The following DCC variants were observed in gnomAD, a reference collection of about 807,000 sequenced individuals.
DCC encodes the protein netrin receptor DCC.
Under a neutral mutation model 172.5 loss-of-function variants are expected in DCC, and 58 were observed. The ratio of observed to expected loss-of-function variants is 0.34; its 90% CI spans 0.27 to 0.42. The LOEUF (loss-of-function observed/expected upper bound fraction) is 0.42, where lower values mean the gene tolerates loss of function less well. Among genes scored for constraint, DCC ranks in the 10% least tolerant of loss-of-function variants. DCC has a pLI of 1.00. For synonymous variants in DCC, 709 were observed against 644.5 expected (o/e 1.10, Z -1.52); for missense variants, 1,740 against 1,791.0 (o/e 0.97, Z 0.51).
intron 1 of DCC, among the ~76,000 whole-genome samples, chr18:52,466,201 T>C (rs889631773): frequency 1.3e-5 from 2 of 152,112 alleles, no homozygotes; most frequent in African/African-American, 4.8e-5. Context: ...TTTATAGACG[T>C]TTTGTCTGGT....
chr18:53,374,772 C>A (rs534018007), intron 15 of DCC, among the ~76,000 whole-genome samples: 4 of 152,062 alleles, frequency 2.6e-5, no homozygotes, highest in Non-Finnish European at 4.4e-5. Context: ...AAAAGATAGT[C>A]ACCATGACAT....
chr18:53,502,868 G>T (rs1284814540), intron 27 of DCC, among the ~76,000 whole-genome samples: 2 of 151,704 alleles, frequency 1.3e-5, no homozygotes, highest in Non-Finnish European at 2.9e-5. Flanking sequence ...TTTTATTTTA[G>T]GTTCTGGGGT....
chr18:53,530,319 T>G (rs1035126789), intron 28 of DCC: 7 of 702,764 alleles, frequency 1.0e-5, no homozygotes, highest in Middle Eastern at 4.6e-4. Context: ...CCAATCTTTT[T>G]GACTCTGAAA....
At chr18:52,610,171 AAAAAAAAATATATATATATAT>A (rs1379710491) in intron 1 of DCC, among the ~76,000 whole-genome samples, 447 of 24,870 alleles carry the variant, frequency 0.018, 37 homozygotes, top group African/African-American at 0.07. Flanking sequence ...AAAAAAAAAA[AAAAAAAAATATATATATATAT>A]ATATATATAT....
Position 53,486,938 on chromosome 18 carries a change from T to G in DCC, c.3878T>G (p.Phe1293Cys), listed in dbSNP as rs1331117481. Reference sequence around the variant, plus strand: ...CCAACACTCTCAGTGGACCGAGGTTTCGGAGCAGGAAGAAGTCAGTGTAAT... The same window carrying G: ...CCAACACTCTCAGTGGACCGAGGTTGCGGAGCAGGAAGAAGTCAGTGTAAT... Reference protein sequence around the residue: ...PFPTLSVDRGFGAGRSQSVSE... With the variant: ...PFPTLSVDRGCGAGRSQSVSE... The change falls in exon 26 of 29, where the codon TTC (phenylalanine) becomes TGC (cysteine). Residue 1293 changes from phenylalanine to cysteine, a missense_variant. By Grantham distance (205) the Phe-to-Cys change is radical. This residue lies in a region of DCC where 1,732 missense variants were observed against 1,767.4 expected (regional missense o/e 0.98). Coordinates refer to ENST00000442544, the MANE Select transcript of DCC (RefSeq NM_005215.4). The G allele has an allele frequency of 2.0e-5, 32 of 1,614,206 alleles. No homozygotes were observed. The East Asian group carries it at 7.1e-4, about 36-fold the overall frequency.
chr18:53,416,214 T>C (rs1170027576), intron 21 of DCC, 58 bp downstream of exon 21: 6 of 1,199,574 alleles, frequency 5.0e-6, no homozygotes, highest in Non-Finnish European at 1.2e-6. Flanking sequence ...CTGTTAGACA[T>C]GTCAGTCATT....
chr18:52,616,512 T>A (rs1381795762), intron 1 of DCC, among the ~76,000 whole-genome samples: 2 of 152,164 alleles, frequency 1.3e-5, no homozygotes, highest in Non-Finnish European at 2.9e-5. Context: ...TTTCTTTCTG[T>A]AACCTCACTG....
chr18:52,831,794 G>T (rs1286404373), intron 2 of DCC, among the ~76,000 whole-genome samples: 1 of 152,072 alleles, frequency 6.6e-6, no homozygotes, highest in South Asian at 2.1e-4. Flanking sequence ...ATTTAGGATG[G>T]AAAATTTGGG....
At chr18:52,895,659 T>G (rs2039717863) in intron 2 of DCC, among the ~76,000 whole-genome samples, 1 of 152,232 alleles carries the variant, frequency 6.6e-6, no homozygotes, top group East Asian at 1.9e-4. Context: ...GCTTAACCAA[T>G]TACCAATTGT....
intron 27 of DCC, among the ~76,000 whole-genome samples, chr18:53,502,659 A>G (rs1191504947): frequency 6.6e-6 from 1 of 152,202 alleles, no homozygotes; most frequent in East Asian, 1.9e-4. Flanking sequence ...GGATTTCACA[A>G]GAAAGGACTG....
intron 1 of DCC, among the ~76,000 whole-genome samples, chr18:52,408,055 G>A (rs1039986388): frequency 2.0e-5 from 3 of 152,162 alleles, no homozygotes; most frequent in African/African-American, 4.8e-5. Flanking sequence ...CTGTTTTTAT[G>A]AGAAAATAAA....
chr18:52,592,861 T>A (rs12454573), intron 1 of DCC, among the ~76,000 whole-genome samples: 1 of 152,100 alleles, frequency 6.6e-6, no homozygotes, highest in Middle Eastern at 3.2e-3. Flanking sequence ...GCCAGGCTAG[T>A]CTCAAACTCC....
At chr18:52,576,735 C>A (rs1344403328) in intron 1 of DCC, among the ~76,000 whole-genome samples, 1 of 150,202 alleles carries the variant, frequency 6.7e-6, no homozygotes, top group Non-Finnish European at 1.5e-5. Context: ...GAGGCTGAGG[C>A]AGGAGAATGG....
intron 1 of DCC, among the ~76,000 whole-genome samples, chr18:52,556,540 GAAA>G (rs2032920015): frequency 6.6e-6 from 1 of 152,048 alleles, no homozygotes; most frequent in South Asian, 2.1e-4. Context: ...GAGCAGAAAG[GAAA>G]ATACCCCAAT....
intron 1 of DCC, among the ~76,000 whole-genome samples, chr18:52,544,042 A>C (rs952185579): frequency 6.6e-6 from 1 of 152,212 alleles, no homozygotes; most frequent in African/African-American, 2.4e-5. Context: ...TGATTAACAA[A>C]ACTGGCCACA....
chr18:53,468,463 A>T (rs1354584182), intron 25 of DCC, among the ~76,000 whole-genome samples: 2 of 151,248 alleles, frequency 1.3e-5, no homozygotes, highest in African/African-American at 2.4e-5. Flanking sequence ...GCTCACTGCA[A>T]CTTCCACCTC....
intron 1 of DCC, among the ~76,000 whole-genome samples, chr18:52,672,341 T>G (rs1402557537): frequency 6.6e-6 from 1 of 152,158 alleles, no homozygotes; most frequent in Admixed American, 6.5e-5. Flanking sequence ...TGTCAATAGA[T>G]AAACCTAAAT....
At chr18:53,043,546 G>C (rs1473296698) in intron 5 of DCC, among the ~76,000 whole-genome samples, 1 of 151,824 alleles carries the variant, frequency 6.6e-6, no homozygotes, top group Non-Finnish European at 1.5e-5. Context: ...CCAAAGCCTA[G>C]TTCCCTGAAT....
At chr18:52,803,172 G>A (rs1037708659) in intron 2 of DCC, among the ~76,000 whole-genome samples, 6 of 152,108 alleles carry the variant, frequency 3.9e-5, no homozygotes, top group African/African-American at 9.7e-5. Flanking sequence ...GTGGCACTTC[G>A]TATGGGTCCC....
Sources: gnomAD v4.1 joint callset for allele counts (sites outside exome capture counted in the v4.1 genomes callset) on GRCh38, gnomAD v4.1.1 for gene constraint, gnomAD v4.1.1 regional missense constraint, MANE v1.5 for transcripts, NCBI Gene and HGNC (gene_info 2026-07-23, HGNC 2026-07-21) for gene names.